Variants in PALLD observed in about 807,000 individuals in gnomAD.
The protein encoded by PALLD is palladin, cytoskeletal associated protein, also known as palladin.
Under a neutral mutation model 123.5 loss-of-function variants are expected in PALLD, and 61 were observed. That is an observed-to-expected ratio of 0.49 (90% CI 0.40 to 0.61). PALLD has a LOEUF of 0.61. PALLD is among the 20% of genes least tolerant of loss of function. The pLI, the probability that PALLD is intolerant of heterozygous loss-of-function variation, is 0.00. For synonymous variants in PALLD, 465 were observed against 496.4 expected (o/e 0.94, Z 0.84); for missense variants, 1,273 against 1,377.0 (o/e 0.92, Z 1.20).
At chr4:168,671,533 CAT>C (rs1205613083) in intron 3 of PALLD, among the ~76,000 whole-genome samples, 7 of 152,152 alleles carry the variant, frequency 4.6e-5, no homozygotes, top group African/African-American at 1.7e-4. Flanking sequence ...GGAAACTGGA[CAT>C]AGCAAGAATG....
At chr4:168,611,752 C>G (rs1483036484) in intron 2 of PALLD, among the ~76,000 whole-genome samples, 1 of 152,184 alleles carries the variant, frequency 6.6e-6, no homozygotes, top group Non-Finnish European at 1.5e-5. Context: ...GATTTTTCTT[C>G]TTTCTGGTAG....
chr4:168,894,675 C>G lies in PALLD; in HGVS notation c.2197C>G (p.Gln733Glu), dbSNP rs140360991. ...GGAGCCAGAAGAGGAAACAGCTAATCAGGTACCATGTTGCTCTGGACTTCT... is the reference window on the plus strand; with the variant it reads ...GGAGCCAGAAGAGGAAACAGCTAATGAGGTACCATGTTGCTCTGGACTTCT... ...IQEPEEETAN[Q>E]DIGSPHASVG... is the part of the protein sequence containing the mutation. The change falls in exon 12 of 22, where the codon CAG (glutamine) becomes GAG (glutamate). Residue 733 changes from glutamine to glutamate, a missense_variant and splice_region_variant. Physicochemically the swap from Gln to Glu is conservative, Grantham distance 29. This residue lies in a region of PALLD where 944 missense variants were observed against 954.5 expected (regional missense o/e 0.99). Coordinates refer to ENST00000505667, the MANE Select transcript of PALLD (RefSeq NM_001166108.2). 66 of 1,612,998 alleles carry G rather than the reference C, an allele frequency of 4.1e-5. No individual in the cohort carries two copies. In the African/African-American group the frequency reaches 5.2e-4, roughly 13 times the overall value.
In PALLD at chr4:168,926,915, A is replaced by ATATTAAATCATAAG. The variant is rs551149065; in HGVS notation, c.*736_*749dup. On this transcript the variant is annotated 3_prime_UTR_variant, in exon 22 of 22. Coordinates refer to ENST00000505667, the MANE Select transcript of PALLD (RefSeq NM_001166108.2). ...ATGCCTTGTCTTTGCAAATGTTTTTATATTAAATCATAAGGAAGGAACTAC... is the reference window on the plus strand; with the variant it reads ...ATGCCTTGTCTTTGCAAATGTTTTTATATTAAATCATAAGTATTAAATCATAAGGAAGGAACTAC... The ATATTAAATCATAAG allele has an allele frequency of 1.8e-3, 400 of 219,336 alleles. No homozygotes were observed. Among genetic ancestry groups the ATATTAAATCATAAG allele is most frequent in the African/African-American group, 8.4e-3 (377 of 44,710 alleles). The allele number at this position is 219,336 out of a possible 1,614,324, so 13.6% of individuals were successfully genotyped here.
intron 10 of PALLD, among the ~76,000 whole-genome samples, chr4:168,886,735 G>C (rs936720390): frequency 6.6e-6 from 1 of 152,178 alleles, no homozygotes; most frequent in African/African-American, 2.4e-5. Flanking sequence ...TGTAAGTAAA[G>C]AGGAAAATGT....
At chr4:168,862,180 G>C (rs750700286) in intron 10 of PALLD, among the ~76,000 whole-genome samples, 4 of 152,110 alleles carry the variant, frequency 2.6e-5, no homozygotes, top group South Asian at 2.1e-4. Flanking sequence ...TGTTTGCTTT[G>C]TTTTGAGACA....
chr4:168,758,101 G>A (rs1218306283), intron 10 of PALLD, among the ~76,000 whole-genome samples: 1 of 151,764 alleles, frequency 6.6e-6, no homozygotes, highest in African/African-American at 2.4e-5. Context: ...TTAATCATAG[G>A]GACCATTTAA....
intron 10 of PALLD, among the ~76,000 whole-genome samples, chr4:168,783,192 T>TTTA (rs1164100499): frequency 6.6e-6 from 1 of 152,106 alleles, no homozygotes; most frequent in East Asian, 1.9e-4. Context: ...AATGGCAATA[T>TTTA]TTATTATTTT....
chr4:168,525,137 G>A (rs1185789750), intron 2 of PALLD, among the ~76,000 whole-genome samples: 1 of 152,192 alleles, frequency 6.6e-6, no homozygotes, highest in East Asian at 1.9e-4. Context: ...CATGGGCCAA[G>A]CCTGAGGACA....
intron 10 of PALLD, among the ~76,000 whole-genome samples, chr4:168,755,188 G>A (rs1212378474): frequency 2.7e-5 from 4 of 146,790 alleles, no homozygotes; most frequent in Non-Finnish European, 5.9e-5. Flanking sequence ...AGCCGAGATT[G>A]CACCACTGCA....
At chr4:168,548,688 A>T (rs2149531405) in intron 2 of PALLD, among the ~76,000 whole-genome samples, 1 of 152,364 alleles carries the variant, frequency 6.6e-6, no homozygotes. Flanking sequence ...AGCTCTGGGG[A>T]AGAGCATCCT....
chr4:168,828,049 A>G (rs560732496), intron 10 of PALLD, among the ~76,000 whole-genome samples: 1 of 152,302 alleles, frequency 6.6e-6, no homozygotes, highest in East Asian at 1.9e-4. Flanking sequence ...TCAAAACAAC[A>G]ACAACAAACA....
intron 17 of PALLD, among the ~76,000 whole-genome samples, chr4:168,921,267 C>T (rs1582207606): frequency 6.6e-6 from 1 of 151,610 alleles, no homozygotes; most frequent in African/African-American, 2.4e-5. Flanking sequence ...ATTAGGCTGG[C>T]ATAGTGGCAG....
chr4:168,849,793 G>A (rs1747474661), intron 10 of PALLD, among the ~76,000 whole-genome samples: 2 of 151,242 alleles, frequency 1.3e-5, no homozygotes, highest in African/African-American at 2.4e-5. Flanking sequence ...AGAAGAACTG[G>A]CACTATTGAG....
intron 10 of PALLD, among the ~76,000 whole-genome samples, chr4:168,781,550 C>G (rs895736247): frequency 1.3e-5 from 2 of 152,162 alleles, no homozygotes; most frequent in African/African-American, 4.8e-5. Flanking sequence ...TGACAGGAAG[C>G]CTCGGAGCAA....
At chr4:168,767,542 A>ATT (rs5863956) in intron 10 of PALLD, among the ~76,000 whole-genome samples, 2 of 125,684 alleles carry the variant, frequency 1.6e-5, no homozygotes, top group Admixed American at 1.6e-4. Context: ...CCTGTCTCTG[A>ATT]TTTTTTTTTT....
intron 10 of PALLD, among the ~76,000 whole-genome samples, chr4:168,888,253 T>C (rs1377980279): frequency 6.6e-6 from 1 of 152,226 alleles, no homozygotes; most frequent in African/African-American, 2.4e-5. Flanking sequence ...TTATTTGAAC[T>C]TCAGGGCAAA....
At chr4:168,691,225 T>A in intron 7 of PALLD, 44 bp from the exon 8 acceptor site, 1 of 1,452,762 alleles carries the variant, frequency 6.9e-7, no homozygotes, top group Non-Finnish European at 9.7e-7. Flanking sequence ...TGGAACCCCA[T>A]TCTAATACTT....
intron 2 of PALLD, among the ~76,000 whole-genome samples, chr4:168,644,005 C>T (rs570464648): frequency 4.6e-5 from 7 of 152,106 alleles, no homozygotes; most frequent in African/African-American, 1.2e-4. Flanking sequence ...CTTTCAAAAC[C>T]GCTTGGTGCC....
chr4:168,719,073 A>G (rs1785676005), intron 10 of PALLD, among the ~76,000 whole-genome samples: 1 of 150,502 alleles, frequency 6.6e-6, no homozygotes, highest in Admixed American at 6.7e-5. Flanking sequence ...ACACCTGGCT[A>G]ATTTTTGTAT....
Sources: gnomAD v4.1 joint callset for allele counts (sites outside exome capture counted in the v4.1 genomes callset) on GRCh38, gnomAD v4.1.1 for gene constraint, gnomAD v4.1.1 regional missense constraint, MANE v1.5 for transcripts, NCBI Gene and HGNC (gene_info 2026-07-23, HGNC 2026-07-21) for gene names.